The following CD44 variants were observed in gnomAD, a reference collection of about 807,000 sequenced individuals.
The protein encoded by CD44 is CD44 molecule (IN blood group).
Under a neutral mutation model 88.8 loss-of-function variants are expected in CD44, and 49 were observed. That is an observed-to-expected ratio of 0.55 (90% CI 0.44 to 0.70). The LOEUF is 0.70. Ranked by LOEUF, CD44 falls within the 30% of genes least tolerant of loss-of-function variation. CD44 has a pLI of 0.00. For missense variants in CD44, 883 were observed against 913.8 expected, an observed-to-expected ratio of 0.97 and a Z score of 0.43; for synonymous variants, 325 against 312.3, an observed-to-expected ratio of 1.04 and a Z score of -0.43.
chr11:35,229,146 A>T lies in CD44; in HGVS notation c.2042A>T (p.Lys681Met). Residue 681 changes from lysine (K) to methionine (M), a missense_variant, in exon 18 of 18, where the codon AAG (lysine) becomes ATG (methionine). This residue lies in a region of CD44 where 631 missense variants were observed against 590.9 expected (regional missense o/e 1.07). Coordinates refer to ENST00000428726, the MANE Select transcript of CD44 (RefSeq NM_000610.4). ...ATTATTAGGTGTGGGCAGAAGAAAAAGCTAGTGATCAACAGTGGCAATGGA... is the reference window on the plus strand; with the variant it reads ...ATTATTAGGTGTGGGCAGAAGAAAATGCTAGTGATCAACAGTGGCAATGGA... Reference protein sequence around the residue: ...NSRRRCGQKKKLVINSGNGAV... With the variant: ...NSRRRCGQKKMLVINSGNGAV... 1 of 1,613,818 alleles carries T rather than the reference A, an allele frequency of 6.2e-7. No homozygotes were observed. Among genetic ancestry groups the T allele is most frequent in the South Asian group, 1.1e-5 (1 of 91,042 alleles).
chr11:35,176,480 A>T (rs1186716223), intron 1 of CD44, 95 bp from the exon 2 acceptor site: 1 of 1,197,246 alleles, frequency 8.4e-7, no homozygotes, highest in Admixed American at 2.3e-5. Flanking sequence ...GCCCGGCCTT[A>T]TTTGACTTTT....
rs1050300527 is a variant in CD44, at chr11:35,229,246, C to A, written c.2142C>A (p.Asn714Lys). Residue 714 changes from asparagine (N) to lysine (K), a missense_variant, in exon 18 of 18, where the codon AAC becomes AAA. Physicochemically the swap from Asn to Lys is moderately conservative, Grantham distance 94. Transcript: ENST00000428726. ...CTCAGGAAATGGTGCATTTGGTGAACAAGGAGTCGTCAGAAACTCCAGACC... is the reference window on the plus strand; with the variant it reads ...CTCAGGAAATGGTGCATTTGGTGAAAAAGGAGTCGTCAGAAACTCCAGACC... ...SKSQEMVHLV[N>K]KESSETPDQF... 1.9e-6 allele frequency: 3 copies of A among 1,613,836 alleles called. No individual in the cohort carries two copies. The highest frequency in any genetic ancestry group is 1.1e-5 in the South Asian group (1 of 91,084).
intron 1 of CD44, 172 bp downstream of exon 1, chr11:35,139,542 A>T (rs1178306445): frequency 1.3e-6 from 1 of 773,682 alleles, no homozygotes; most frequent in Non-Finnish European, 2.4e-6. Flanking sequence ...ACCGTTGGAG[A>T]ATGTGTCTGT....
At position 35,197,953 on chromosome 11, in the gene CD44, A is replaced by AT; in HGVS notation, c.797-166dup. The AT allele has an allele frequency of 2.5e-5, 14 of 567,426 alleles. No individual in the cohort carries two copies. The South Asian group carries it at 3.9e-4, about 16-fold the overall frequency. 35.1% of individuals were successfully genotyped at this position (567,426 alleles called of 1,614,324 possible). ...TAGCCACTTGTTTTGAGATTTATGT[A>AT]TTAGCTTCGGAGATCAGAACATAAG... is the stretch of plus-strand genomic sequence containing the variant. On this transcript the variant is annotated intron_variant, in intron 6 of 17. Coordinates refer to ENST00000428726, the MANE Select transcript of CD44 (RefSeq NM_000610.4).
intron 4 of CD44, 93 bp from the exon 5 acceptor site, chr11:35,189,742 G>T: frequency 1.2e-6 from 1 of 850,526 alleles, no homozygotes; most frequent in Non-Finnish European, 1.9e-6. Flanking sequence ...TCATTACAAA[G>T]GAAAATAGCT....
intron 17 of CD44, chr11:35,222,963 A>G: frequency 6.1e-6 from 6 of 985,374 alleles, no homozygotes; most frequent in Non-Finnish European, 7.2e-6. Flanking sequence ...CCAACAGCTA[A>G]TTCCAACACC....
chr11:35,150,143 G>A (rs1385758099), intron 1 of CD44, among the ~76,000 whole-genome samples: 1 of 152,196 alleles, frequency 6.6e-6, no homozygotes, highest in African/African-American at 2.4e-5. Context: ...CACTCTCAGA[G>A]CTTCATGAGC....
At position 35,190,006 on chromosome 11, in the gene CD44, C is replaced by A. The variant is rs1946113385; in HGVS notation, c.608C>A (p.Pro203His). ...TTTTACACCTTTTCTACTGTACACC[C>A]CATCCCAGACGAAGACAGTCCCTGG... ...YIFYTFSTVH[P>H]IPDEDSPWIT... is the part of the protein sequence containing the mutation. The change falls in exon 5 of 18, where the codon CCC becomes CAC. Residue 203 changes from proline to histidine, a missense_variant. Coordinates refer to ENST00000428726, the MANE Select transcript of CD44 (RefSeq NM_000610.4). 3.1e-6 allele frequency: 5 copies of A among 1,614,062 alleles called. No individual in the cohort carries two copies. Among genetic ancestry groups the A allele is most frequent in the Non-Finnish European group, 4.2e-6 (5 of 1,180,024 alleles).
chr11:35,222,465 T>C (rs561041174), intron 17 of CD44: 263 of 1,251,862 alleles, frequency 2.1e-4, no homozygotes, highest in Non-Finnish European at 2.4e-4. Context: ...GAACTTTCCT[T>C]TGGAAAACAA....
At chr11:35,171,589 A>G (rs1943894230) in intron 1 of CD44, among the ~76,000 whole-genome samples, 1 of 152,198 alleles carries the variant, frequency 6.6e-6, no homozygotes. Context: ...ATACAAACAT[A>G]TAAGTATGAG....
chr11:35,221,114 G>A (rs1949260623), intron 16 of CD44, among the ~76,000 whole-genome samples: 1 of 152,096 alleles, frequency 6.6e-6, no homozygotes, highest in Non-Finnish European at 1.5e-5. Flanking sequence ...CACCTTACAC[G>A]GTGTTTAGCA....
intron 6 of CD44, 144 bp from the exon 7 acceptor site, chr11:35,197,977 A>G (rs1379934687): frequency 2.9e-6 from 2 of 694,568 alleles, no homozygotes; most frequent in African/African-American, 1.8e-5. Context: ...TCAGAACATA[A>G]GAATTTGGGG....
At chr11:35,219,513 T>C in intron 16 of CD44, 126 bp downstream of exon 16, 1 of 696,908 alleles carries the variant, frequency 1.4e-6, no homozygotes, top group Non-Finnish European at 2.6e-6. Flanking sequence ...ATCCAATTGC[T>C]CCTCTTTACA....
chr11:35,189,461 T>C (rs1946051844), intron 4 of CD44, among the ~76,000 whole-genome samples: 1 of 152,218 alleles, frequency 6.6e-6, no homozygotes, highest in African/African-American at 2.4e-5. Flanking sequence ...AGTGGGAGAA[T>C]GATTATTTAT....
intron 3 of CD44, among the ~76,000 whole-genome samples, chr11:35,182,932 G>A (rs916973244): frequency 6.6e-6 from 1 of 152,162 alleles, no homozygotes; most frequent in Non-Finnish European, 1.5e-5. Context: ...TTATTGCCTG[G>A]CATCGAAGCC....
chr11:35,189,366 G>A (rs1321801544), intron 4 of CD44, among the ~76,000 whole-genome samples: 4 of 152,204 alleles, frequency 2.6e-5, no homozygotes, highest in Admixed American at 6.5e-5. Context: ...CTATTAGTCT[G>A]CTACTTCAAA....
At chr11:35,179,119 A>C (rs1944747216) in intron 2 of CD44, among the ~76,000 whole-genome samples, 1 of 152,210 alleles carries the variant, frequency 6.6e-6, no homozygotes, top group African/African-American at 2.4e-5. Flanking sequence ...TGCGAGCTAC[A>C]ATTGCCACAT....
chr11:35,217,840 G>A (rs1034187140), intron 15 of CD44, among the ~76,000 whole-genome samples: 1 of 152,148 alleles, frequency 6.6e-6, no homozygotes, highest in Non-Finnish European at 1.5e-5. Flanking sequence ...TTCAAATTTT[G>A]TTTTGAAGCA....
intron 1 of CD44, among the ~76,000 whole-genome samples, chr11:35,151,068 G>A (rs1860227598): frequency 6.6e-6 from 1 of 152,192 alleles, no homozygotes; most frequent in Non-Finnish European, 1.5e-5. Flanking sequence ...GCATGTGAAG[G>A]CTTCAAGGAA....
Sources: gnomAD v4.1 joint callset for allele counts (sites outside exome capture counted in the v4.1 genomes callset) on GRCh38, gnomAD v4.1.1 for gene constraint, gnomAD v4.1.1 regional missense constraint, MANE v1.5 for transcripts, NCBI Gene and HGNC (gene_info 2026-07-23, HGNC 2026-07-21) for gene names.